The following MYNN variants were observed in gnomAD, a reference collection of about 807,000 sequenced individuals.
MYNN encodes myoneurin.
MYNN carries 22 observed loss-of-function variants against 57.2 expected under a neutral mutation model. The ratio of observed to expected loss-of-function variants is 0.38; its 90% CI spans 0.27 to 0.55. MYNN has a LOEUF of 0.55. MYNN is among the 20% of genes least tolerant of loss of function. The pLI, the probability that MYNN is intolerant of heterozygous loss-of-function variation, is 0.71. For synonymous variants in MYNN, 241 were observed against 257.1 expected, an observed-to-expected ratio of 0.94 and a Z score of 0.60; for missense variants, 566 against 723.1, an observed-to-expected ratio of 0.78 and a Z score of 2.49.
chr3:169,778,623 T>G (rs1778418383), intron 2 of MYNN, 145 bp from the exon 3 acceptor site: 2 of 608,642 alleles, frequency 3.3e-6, no homozygotes, highest in Non-Finnish European at 5.5e-6. Context: ...CTGAATGAAT[T>G]TATAAATCTA....
chr3:169,779,229 ATACTTT>A lies in MYNN; in HGVS notation c.730_735del (p.Thr244_Phe245del). The stretch of plus-strand genomic sequence containing the variant: ...CTCGAGTTGACATCAGTTGTGGAAA[ATACTTT>A]TCCAGCACAAGATATTGTGCACACT... On this transcript the variant is annotated inframe_deletion, in exon 3 of 8. Transcript: ENST00000349841. 1 of 1,614,210 alleles carries A rather than the reference ATACTTT, an allele frequency of 6.2e-7. No homozygotes were observed.
rs753032092 is a variant in MYNN, at chr3:169,783,565, G to C, written c.1483+5G>C. 6.3e-7 allele frequency: 1 copy of C among 1,587,910 alleles called. No homozygotes were observed. The highest frequency in any genetic ancestry group is 1.1e-5 in the South Asian group (1 of 87,884). On this transcript the variant is annotated splice_donor_5th_base_variant and intron_variant, in intron 6 of 7. Transcript: ENST00000349841. Reference sequence around the variant, plus strand: ...AACACTTTCGGTCCCATACAGGTCTGTGTTTAGGGAGAACGTATTATTTTT... The same window carrying C: ...AACACTTTCGGTCCCATACAGGTCTCTGTTTAGGGAGAACGTATTATTTTT...
At chr3:169,774,092 AT>A in intron 1 of MYNN, 172 bp from the exon 2 acceptor site, 1 of 580,188 alleles carries the variant, frequency 1.7e-6, no homozygotes, top group South Asian at 2.1e-5. Flanking sequence ...GTGTTAGTTG[AT>A]CAAGGTAACC....
intron 4 of MYNN, among the ~76,000 whole-genome samples, chr3:169,781,179 G>T (rs1778503567): frequency 1.3e-5 from 2 of 152,216 alleles, no homozygotes; most frequent in Admixed American, 1.3e-4. Context: ...CAAACAGATT[G>T]TATGTGAAGT....
chr3:169,780,699 T>G lies in MYNN; in HGVS notation c.1170T>G (p.Asp390Glu). ...HHGEEKPYKC[D>E]VCNLQFATSS... Reference sequence around the variant, plus strand: ...GTGAAGAAAAACCCTATAAATGTGATGTATGCAACTTACAGTTTGCAACTT... The same window carrying G: ...GTGAAGAAAAACCCTATAAATGTGAGGTATGCAACTTACAGTTTGCAACTT... The change falls in exon 4 of 8, where the codon GAT becomes GAG. Residue 390 changes from aspartate (D) to glutamate (E), a missense_variant. By Grantham distance (45) the Asp-to-Glu change is conservative. Transcript: ENST00000349841. The G allele has an allele frequency of 1.9e-6, 3 of 1,610,236 alleles. No individual in the cohort carries two copies. Among genetic ancestry groups the G allele is most frequent in the Non-Finnish European group, 2.5e-6 (3 of 1,179,064 alleles).
chr3:169,773,942 T>A (rs1021375143), intron 1 of MYNN: 8 of 221,068 alleles, frequency 3.6e-5, no homozygotes, highest in South Asian at 2.5e-4. Flanking sequence ...TTTAAAAAAT[T>A]TTTTTGTAAC....
intron 4 of MYNN, 80 bp downstream of exon 4, chr3:169,780,829 C>G: frequency 8.5e-7 from 1 of 1,172,736 alleles, no homozygotes; most frequent in Non-Finnish European, 1.2e-6. Context: ...TATTAGAATT[C>G]AGGACAGTAG....
intron 2 of MYNN, 37 bp downstream of exon 2, chr3:169,774,598 G>C (rs778243736): frequency 1.3e-6 from 2 of 1,567,782 alleles, no homozygotes; most frequent in Non-Finnish European, 1.7e-6. Flanking sequence ...ATAAAAGCTA[G>C]TCAGTAGTCT....
rs1430703028 is a variant in MYNN, at chr3:169,787,196, A to G, written c.*518A>G. 5 of 152,682 alleles carry G rather than the reference A, an allele frequency of 3.3e-5. No homozygotes were observed. The South Asian group carries it at 6.2e-4, about 19-fold the overall frequency. The allele number at this position is 152,682 out of a possible 1,614,324, so 9.5% of individuals were successfully genotyped here. On this transcript the variant is annotated 3_prime_UTR_variant, in exon 8 of 8. Transcript: ENST00000349841. The stretch of plus-strand genomic sequence containing the variant: ...TTAGGCGCTGAATAAGAATTGTGCT[A>G]TTTCTCTATTAATATATTGTTAGAA...
At chr3:169,785,216 A>G (rs1778642547) in intron 7 of MYNN, among the ~76,000 whole-genome samples, 1 of 152,048 alleles carries the variant, frequency 6.6e-6, no homozygotes. Context: ...TGAATTCTTG[A>G]AAAAGTTTCC....
In MYNN at chr3:169,773,471, C is replaced by T. The variant is rs919883634; in HGVS notation, c.-32+9C>T. The T allele has an allele frequency of 2.0e-5, 3 of 152,382 alleles. No individual in the cohort carries two copies. The highest frequency in any genetic ancestry group is 7.2e-5 in the African/African-American group (3 of 41,450). 9.4% of individuals were successfully genotyped at this position (152,382 alleles called of 1,614,324 possible). On this transcript the variant is annotated intron_variant, in intron 1 of 7. Coordinates refer to ENST00000349841, the MANE Select transcript of MYNN (RefSeq NM_018657.5). ...CCCTTGGGTTGCTATCGGTGAGTTC[C>T]TACTTCACCCCCAGCCCGCCATCCC...
rs1168517889 is a variant in MYNN, at chr3:169,787,821, TATC to T, written c.*1144_*1146del. On this transcript the variant is annotated 3_prime_UTR_variant, in exon 8 of 8. Coordinates refer to ENST00000349841, the MANE Select transcript of MYNN (RefSeq NM_018657.5). The stretch of plus-strand genomic sequence containing the variant: ...CAAATGAATGTAGAAAATTCGTTAT[TATC>T]CTGATATTTGCACCACTCATCCCCA... 1 of 152,098 alleles carries T rather than the reference TATC, an allele frequency of 6.6e-6. No homozygotes were observed. Among genetic ancestry groups the T allele is most frequent in the Non-Finnish European group, 1.5e-5 (1 of 67,952 alleles). 9.4% of individuals were successfully genotyped at this position (152,098 alleles called of 1,614,324 possible). A position where few individuals can be genotyped will look rare whatever the true frequency, so the allele number is the denominator to read the frequency against.
chr3:169,779,102 A>T lies in MYNN; in HGVS notation c.601A>T (p.Ser201Cys). ...TGQNKTVQYPSDILENASVEL... is the reference protein window; with the variant it reads ...TGQNKTVQYPCDILENASVEL... ...GCAGAATAAAACAGTGCAATATCCC[A>T]GTGACATCTTAGAGAATGCATCTGT... Residue 201 changes from serine to cysteine, a missense_variant, in exon 3 of 8, where the codon AGT (serine) becomes TGT (cysteine). By Grantham distance (112) the Ser-to-Cys change is moderately radical. This residue lies in a region of MYNN where 261 missense variants were observed against 280.8 expected (regional missense o/e 0.93). Transcript: ENST00000349841. The T allele has an allele frequency of 6.2e-7, 1 of 1,614,206 alleles. No homozygotes were observed. Among genetic ancestry groups the T allele is most frequent in the South Asian group, 1.1e-5 (1 of 91,088 alleles).
chr3:169,779,489 T>TA lies in MYNN; in HGVS notation c.989dup (p.Tyr330Ter), dbSNP rs1186821384. 1 of 1,614,074 alleles carries TA rather than the reference T, an allele frequency of 6.2e-7. No homozygotes were observed. The highest frequency in any genetic ancestry group is 2.2e-5 in the East Asian group (1 of 44,896). Reference protein sequence around the residue: ...HMRIHKGVKPYVCHLCGKAFT... With the variant: ...HMRIHKGVKP ...GAGAATACATAAAGGAGTCAAACCT[T>TA]ACGTCTGCCACTTATGTGGAAAGGC... Residue 330 changes from tyrosine to a stop codon, truncating the protein, a stop_gained and frameshift_variant, in exon 3 of 8, where the codon TAC becomes TAAC. Transcript: ENST00000349841. LOFTEE classifies it high-confidence loss of function.
In MYNN at chr3:169,786,510, G is replaced by C; in HGVS notation, c.1665G>C (p.Val555=). ...QKSPLSETMD[V]KPSDMTLPLA... ...GTCCTTTATCAGAAACTATGGATGT[G>C]AAGCCTTCTGATATGACTTTACCAT... The change falls in exon 8 of 8, where the codon GTG becomes GTC. Residue 555 remains valine (V), a synonymous_variant. Coordinates refer to ENST00000349841, the MANE Select transcript of MYNN (RefSeq NM_018657.5). The C allele has an allele frequency of 6.2e-7, 1 of 1,613,668 alleles. No homozygotes were observed. The highest frequency in any genetic ancestry group is 1.7e-5 in the Admixed American group (1 of 59,994).
chr3:169,774,777 C>T (rs1367548500), intron 2 of MYNN, among the ~76,000 whole-genome samples: 3 of 152,134 alleles, frequency 2.0e-5, no homozygotes, highest in Non-Finnish European at 4.4e-5. Context: ...ATTTCTGACA[C>T]GTTTATTTAC....
rs201851716 is a variant in MYNN, at chr3:169,786,673, T to G, written c.1828T>G (p.Tyr610Asp). Reference sequence around the variant, plus strand: ...ACAGTTGATTTTTTTACAACAATTATACTGACTTTGTAAGGAATATGGAAT... The same window carrying G: ...ACAGTTGATTTTTTTACAACAATTAGACTGACTTTGTAAGGAATATGGAAT... Reference protein sequence around the residue: ...EPQLIFLQQLY With the variant: ...EPQLIFLQQLD The change falls in exon 8 of 8, where the codon TAC becomes GAC. Residue 610 changes from tyrosine (Y) to aspartate (D), a missense_variant. Coordinates refer to ENST00000349841, the MANE Select transcript of MYNN (RefSeq NM_018657.5). 6.2e-7 allele frequency: 1 copy of G among 1,611,548 alleles called. No individual in the cohort carries two copies.
Position 169,782,794 on chromosome 3 carries a change from G to A in MYNN, c.1399+151G>A. ...ATGTTTATGATTTTTGCACATATTT[G>A]TTAAATATAAAAGCTGACTTATTTT... On this transcript the variant is annotated intron_variant, in intron 5 of 7. Coordinates refer to ENST00000349841, the MANE Select transcript of MYNN (RefSeq NM_018657.5). The surrounding 1 kb of genome is among the most constrained non-coding windows in gnomAD (Gnocchi z 4.8). 1.7e-6 allele frequency: 1 copy of A among 598,808 alleles called. No homozygotes were observed. The highest frequency in any genetic ancestry group is 2.8e-6 in the Non-Finnish European group (1 of 362,434). 37.1% of individuals were successfully genotyped at this position (598,808 alleles called of 1,614,324 possible).
In MYNN at chr3:169,782,621, C is replaced by CAA. The variant is rs1157693764; in HGVS notation, c.1378_1379insAA (p.Thr460LysfsTer56). 6 of 1,613,564 alleles carry CAA rather than the reference C, an allele frequency of 3.7e-6. No individual in the cohort carries two copies. The highest frequency in any genetic ancestry group is 5.1e-6 in the Non-Finnish European group (6 of 1,179,732). ...CATTTGCTGTCTCTAGTTCTCTTAT[C>CAA]ACTCATTCTCGAAAACATACAGGTA... On this transcript the variant is annotated frameshift_variant, in exon 5 of 8. Coordinates refer to ENST00000349841, the MANE Select transcript of MYNN (RefSeq NM_018657.5). LOFTEE classifies it high-confidence loss of function. The surrounding 1 kb of genome is among the most constrained non-coding windows in gnomAD (Gnocchi z 4.8).
Sources: allele counts gnomAD v4.1 joint callset (sites outside exome capture counted in the v4.1 genomes callset), GRCh38; gene constraint gnomAD v4.1.1; regional missense constraint gnomAD v4.1.1; non-coding constraint Gnocchi (gnomAD v3.1); transcripts MANE v1.5; gene names NCBI Gene and HGNC (gene_info 2026-07-23, HGNC 2026-07-21).